The following SLC12A3 variants were observed in gnomAD, a reference collection of about 807,000 sequenced individuals.
SLC12A3 encodes solute carrier family 12 member 3.
In SLC12A3, 104 loss-of-function variants were observed where a neutral mutation model predicts 121.0. The observed-to-expected ratio is 0.86, with a 90% CI of 0.73 to 1.01. The LOEUF is 1.01. Among genes scored for constraint, SLC12A3 ranks in the 50% least tolerant of loss-of-function variants. SLC12A3 has a pLI of 0.00. For synonymous variants in SLC12A3, 536 were observed against 533.4 expected (o/e 1.00, Z -0.07); for missense variants, 1,328 against 1,356.3 (o/e 0.98, Z 0.33).
At position 56,894,633 on chromosome 16, in the gene SLC12A3, A is replaced by G. The variant is rs753526794; in HGVS notation, c.2624A>G (p.Glu875Gly). ...VGGQINRMDQ[E>G]RKAIISLLSK... ...GGCCAGATTAACAGGATGGACCAGG[A>G]GAGAAAGGCGTAAGTGTGGAGGGCT... is the stretch of plus-strand genomic sequence containing the variant. Residue 875 changes from glutamate (E) to glycine (G), a missense_variant, in exon 22 of 26, where the codon GAG becomes GGG. Coordinates refer to ENST00000563236, the MANE Select transcript of SLC12A3 (RefSeq NM_001126108.2). 6.2e-7 allele frequency: 1 copy of G among 1,613,680 alleles called. No individual in the cohort carries two copies. Among genetic ancestry groups the G allele is most frequent in the Non-Finnish European group, 8.5e-7 (1 of 1,179,622 alleles).
At chr16:56,897,480 A>G (rs2055480953) in intron 22 of SLC12A3, among the ~76,000 whole-genome samples, 1 of 152,192 alleles carries the variant, frequency 6.6e-6, no homozygotes, top group Non-Finnish European at 1.5e-5. Context: ...AGTGTGAGTT[A>G]AGGGAAACCC....
intron 17 of SLC12A3, among the ~76,000 whole-genome samples, chr16:56,887,536 G>A (rs1214340115): frequency 6.6e-6 from 1 of 151,668 alleles, no homozygotes; most frequent in Non-Finnish European, 1.5e-5. Context: ...GTCTCCAGAT[G>A]TGCTGGTTCT....
intron 23 of SLC12A3, among the ~76,000 whole-genome samples, chr16:56,900,362 A>C (rs2055521334): frequency 6.6e-6 from 1 of 151,904 alleles, no homozygotes; most frequent in African/African-American, 2.4e-5. Context: ...AATGCTGCAG[A>C]GACAGATCAG....
At chr16:56,896,350 G>A (rs973593817) in intron 22 of SLC12A3, among the ~76,000 whole-genome samples, 2 of 152,210 alleles carry the variant, frequency 1.3e-5, no homozygotes, top group African/African-American at 2.4e-5. Flanking sequence ...GCATGGGCTT[G>A]GCAGGCAATG....
At chr16:56,904,141 C>T (rs1266796259) in intron 24 of SLC12A3, 4 of 451,920 alleles carry the variant, frequency 8.9e-6, no homozygotes, top group African/African-American at 8.0e-5. Context: ...TCCCTCTACC[C>T]TGCTGGTTAT....
At chr16:56,912,333 A>C in intron 25 of SLC12A3, among the ~76,000 whole-genome samples, 1 of 152,262 alleles carries the variant, frequency 6.6e-6, no homozygotes, top group South Asian at 2.1e-4. Flanking sequence ...TTCCTGAAAT[A>C]GTTGGAAGAC....
chr16:56,891,106 G>A (rs2055382368), intron 19 of SLC12A3, among the ~76,000 whole-genome samples: 1 of 151,932 alleles, frequency 6.6e-6, no homozygotes. Context: ...GGGTGTGGTG[G>A]CTCGTTTCTG....
intron 18 of SLC12A3, among the ~76,000 whole-genome samples, chr16:56,888,651 CG>C (rs1567439350): frequency 6.7e-6 from 1 of 150,334 alleles, no homozygotes; most frequent in Admixed American, 6.7e-5. Context: ...CTCCGCCTCC[CG>C]GGTTCACGCC....
chr16:56,899,666 G>C, intron 23 of SLC12A3, 50 bp downstream of exon 23: 1 of 1,321,716 alleles, frequency 7.6e-7, no homozygotes, highest in Non-Finnish European at 1.1e-6. Flanking sequence ...TGTGTGCCTG[G>C]AGACCCCTCT....
intron 23 of SLC12A3, among the ~76,000 whole-genome samples, chr16:56,901,345 C>CTTTTTTTTTTTTTTTTTT (rs1408480661): frequency 7.1e-5 from 6 of 84,156 alleles, no homozygotes; most frequent in African/African-American, 3.1e-4. Context: ...ATCTCTCTCT[C>CTTTTTTTTTTTTTTTTTT]TCTTTTTTTT....
rs1334485888 is a variant in SLC12A3 at position 56,886,412 on chromosome 16, G to A, written c.1974G>A (p.Leu658=). Residue 658 remains leucine, a synonymous_variant, in exon 16 of 26, where the codon CTG becomes CTA. Transcript: ENST00000563236. The part of the protein sequence containing the change: ...LTGPPNFRPA[L]VDFVGTFTRN... ...GGCCCCCCAACTTCCGCCCGGCCCT[G>A]GTGGACTTTGTGGGCACCTTCACCC... 6.2e-7 allele frequency: 1 copy of A among 1,614,094 alleles called. No individual in the cohort carries two copies. Among genetic ancestry groups the A allele is most frequent in the East Asian group, 2.2e-5 (1 of 44,872 alleles).
rs571235950 is a variant in SLC12A3, at chr16:56,875,141, G to A, written c.1095+2355G>A. Among the ~76,000 whole-genome samples, 8 of 115,218 alleles carry A rather than the reference G, an allele frequency of 6.9e-5. No individual in the cohort carries two copies. In the South Asian group the frequency reaches 1.1e-3, roughly 15 times the overall value. 75.6% of individuals were successfully genotyped at this position (115,218 alleles called of 152,430 possible). On this transcript the variant is annotated intron_variant, in intron 8 of 25. Transcript: ENST00000563236. ...TCTTGAAGCTGGATGAGGCCCGCGC[G>A]CCTGCACTCTGTCCTAAATGCCCTC...
chr16:56,879,485 A>T, intron 10 of SLC12A3, 57 bp from the exon 11 acceptor site: 1 of 1,418,918 alleles, frequency 7.0e-7, no homozygotes, highest in Non-Finnish European at 1.0e-6. Flanking sequence ...AGTGCCACAG[A>T]TGGGGGCTCC....
chr16:56,887,798 A>ATATATATATATATATATATATAT (rs1433682477), intron 17 of SLC12A3, 127 bp from the exon 18 acceptor site: 4 of 68,432 alleles, frequency 5.8e-5, no homozygotes, highest in Admixed American at 2.0e-4. Flanking sequence ...ATATATATAT[A>ATATATATATATATATATATATAT]TTTTTTTTTT....
chr16:56,872,460 G>A lies in SLC12A3; in HGVS notation c.962G>A (p.Arg321Gln), dbSNP rs748009199. The A allele has an allele frequency of 2.2e-5, 35 of 1,612,074 alleles. No homozygotes were observed. Among genetic ancestry groups the A allele is most frequent in the South Asian group, 5.5e-5 (5 of 91,038 alleles). ...GCCTCCAAAGGCTTCTTCAGCTACC[G>A]GGGTATGTGCTGATCAAGGCCCTGA... is the stretch of plus-strand genomic sequence containing the variant. ...DKASKGFFSY[R>Q]ADIFVQNLVP... Residue 321 changes from arginine to glutamine, a missense_variant and splice_region_variant, in exon 7 of 26, where the codon CGG becomes CAG. Physicochemically the swap from Arg to Gln is conservative, Grantham distance 43. Coordinates refer to ENST00000563236, the MANE Select transcript of SLC12A3 (RefSeq NM_001126108.2).
Position 56,879,213 on chromosome 16 carries a change from A to C in SLC12A3, c.1321A>C (p.Ile441Leu), listed in dbSNP as rs2055204651. ...GCAGCACAGCTGCCACTACGGCCTC[A>C]TCAACTATTACCAGGTACTGCCAGG... ...TQQHSCHYGL[I>L]NYYQTMSMVS... Residue 441 changes from isoleucine to leucine, a missense_variant, in exon 10 of 26, where the codon ATC becomes CTC. By Grantham distance (5) the Ile-to-Leu change is conservative. Transcript: ENST00000563236. The C allele has an allele frequency of 6.2e-7, 1 of 1,613,812 alleles. No individual in the cohort carries two copies. The highest frequency in any genetic ancestry group is 8.5e-7 in the Non-Finnish European group (1 of 1,180,022).
intron 3 of SLC12A3, 59 bp downstream of exon 3, chr16:56,868,431 T>G (rs959717586): frequency 8.7e-5 from 131 of 1,511,066 alleles, no homozygotes; most frequent in Non-Finnish European, 1.1e-4. Context: ...TCTTCCCAGC[T>G]TGCCTGAATC....
chr16:56,914,629 C>G lies in SLC12A3; in HGVS notation c.*1224C>G, dbSNP rs117384068. On this transcript the variant is annotated 3_prime_UTR_variant, in exon 26 of 26. Coordinates refer to ENST00000563236, the MANE Select transcript of SLC12A3 (RefSeq NM_001126108.2). ...TGTCATTGCCATTTTCCCAGCTCATCTCACCGGGAAGAAAAGCAGATTGAC... is the reference window on the plus strand; with the variant it reads ...TGTCATTGCCATTTTCCCAGCTCATGTCACCGGGAAGAAAAGCAGATTGAC... The G allele has an allele frequency of 2.0e-5, 3 of 152,360 alleles. No homozygotes were observed. The East Asian group carries it at 5.8e-4, about 29-fold the overall frequency. 9.4% of individuals were successfully genotyped at this position (152,360 alleles called of 1,614,324 possible).
At chr16:56,883,927 G>A in intron 13 of SLC12A3, 122 bp from the exon 14 acceptor site, 1 of 1,080,562 alleles carries the variant, frequency 9.3e-7, no homozygotes, top group Non-Finnish European at 1.4e-6. Flanking sequence ...TGGCTGGTGG[G>A]TACAGGCTGG....
Sources: allele counts gnomAD v4.1 joint callset (sites outside exome capture counted in the v4.1 genomes callset), GRCh38; gene constraint gnomAD v4.1.1; transcripts MANE v1.5; gene names NCBI Gene and HGNC (gene_info 2026-07-23, HGNC 2026-07-21).